Variants in HS3ST2 observed in about 807,000 individuals in gnomAD.
HS3ST2 encodes the protein heparan sulfate-glucosamine 3-sulfotransferase 2, also known as heparan sulfate glucosamine 3-O-sulfotransferase 2.
HS3ST2 carries 17 observed loss-of-function variants against 26.3 expected under a neutral mutation model. That is an observed-to-expected ratio of 0.65 (90% CI 0.44 to 0.97). The LOEUF (loss-of-function observed/expected upper bound fraction) is 0.97, where lower values mean the gene tolerates loss of function less well. Among genes scored for constraint, HS3ST2 ranks in the 50% least tolerant of loss-of-function variants. The pLI is 0.00. For synonymous variants in HS3ST2, 237 were observed against 219.2 expected, an observed-to-expected ratio of 1.08 and a Z score of -0.72; for missense variants, 402 against 501.2, an observed-to-expected ratio of 0.80 and a Z score of 1.89.
At chr16:22,901,944 TA>T (rs1479143958) in intron 1 of HS3ST2, among the ~76,000 whole-genome samples, 1 of 152,008 alleles carries the variant, frequency 6.6e-6, no homozygotes, top group Admixed American at 6.6e-5. Context: ...AAGAGAAAAA[TA>T]AATCCGAATG....
chr16:22,892,204 G>A (rs1245371055), intron 1 of HS3ST2, among the ~76,000 whole-genome samples: 2 of 151,696 alleles, frequency 1.3e-5, no homozygotes, highest in Non-Finnish European at 2.9e-5. Flanking sequence ...GCAGGAGAAT[G>A]GGGTGAACCC....
Position 22,915,950 on chromosome 16 carries a change from T to A in HS3ST2, c.*388T>A, listed in dbSNP as rs1596636302. The A allele has an allele frequency of 5.3e-6, 1 of 189,876 alleles. No homozygotes were observed. The highest frequency in any genetic ancestry group is 1.2e-4 in the South Asian group (1 of 8,062). 11.8% of individuals were successfully genotyped at this position (189,876 alleles called of 1,614,324 possible). A position where few individuals can be genotyped will look rare whatever the true frequency, so the allele number is the denominator to read the frequency against. On this transcript the variant is annotated 3_prime_UTR_variant, in exon 2 of 2. Transcript: ENST00000261374. ...GTCCCTGTCATTGTCCACCCAGGAG[T>A]GGCCTTGTTAATTCCAAGTGGCATG...
intron 1 of HS3ST2, among the ~76,000 whole-genome samples, chr16:22,901,345 C>T (rs1193437668): frequency 6.6e-6 from 1 of 152,212 alleles, no homozygotes; most frequent in Non-Finnish European, 1.5e-5. Context: ...CCTTGCAATT[C>T]AACGGGTGGC....
intron 1 of HS3ST2, among the ~76,000 whole-genome samples, chr16:22,837,169 C>A (rs1901269552): frequency 1.3e-5 from 2 of 150,958 alleles, no homozygotes; most frequent in South Asian, 4.2e-4. Flanking sequence ...TAAAGTCAGA[C>A]TGTCCTGAGT....
rs12598532 is a variant in HS3ST2, at chr16:22,867,663, G to A, written c.486-47281G>A. ...AAAAAAATGGAGCAAAATAATGATA[G>A]CATTTTTTGCAGTTGAGAAACATGG... On this transcript the variant is annotated intron_variant, in intron 1 of 1. Coordinates refer to ENST00000261374, the MANE Select transcript of HS3ST2 (RefSeq NM_006043.2). 3.8e-3 allele frequency among the ~76,000 whole-genome samples: 578 copies of A among 152,296 alleles called. 15 individuals carry two copies. Among genetic ancestry groups the A allele is most frequent in the East Asian group, 0.033 (171 of 5,178 alleles).
At chr16:22,891,436 G>A (rs529823889) in intron 1 of HS3ST2, among the ~76,000 whole-genome samples, 4 of 151,454 alleles carry the variant, frequency 2.6e-5, no homozygotes, top group African/African-American at 7.3e-5. Flanking sequence ...AGTAAGTAGC[G>A]AAACAGAAAT....
chr16:22,879,961 A>C (rs1173732732), intron 1 of HS3ST2, among the ~76,000 whole-genome samples: 1 of 152,204 alleles, frequency 6.6e-6, no homozygotes. Flanking sequence ...CATGGTGAGA[A>C]AGAACAAGAA....
intron 1 of HS3ST2, among the ~76,000 whole-genome samples, chr16:22,914,118 CAG>C (rs1229146255): frequency 2.0e-5 from 3 of 151,154 alleles, no homozygotes; most frequent in African/African-American, 7.3e-5. Context: ...CCTTGGGAGA[CAG>C]AGTGAAGTGA....
chr16:22,861,532 T>G (rs1347866578), intron 1 of HS3ST2, among the ~76,000 whole-genome samples: 1 of 152,060 alleles, frequency 6.6e-6, no homozygotes, highest in Non-Finnish European at 1.5e-5. Context: ...CTTGGCCCTC[T>G]CCTCTTCCAC....
intron 1 of HS3ST2, among the ~76,000 whole-genome samples, chr16:22,885,923 CA>C (rs1429155011): frequency 6.6e-6 from 1 of 152,202 alleles, no homozygotes; most frequent in African/African-American, 2.4e-5. Flanking sequence ...CCAGCTCTCT[CA>C]GCCTGTCCCC....
intron 1 of HS3ST2, among the ~76,000 whole-genome samples, chr16:22,886,010 A>G (rs1377352285): frequency 6.6e-6 from 1 of 152,074 alleles, no homozygotes; most frequent in East Asian, 1.9e-4. Flanking sequence ...ATACCCTAAG[A>G]CTGAGAGCTA....
chr16:22,883,177 C>T (rs1273264577), intron 1 of HS3ST2, among the ~76,000 whole-genome samples: 2 of 152,198 alleles, frequency 1.3e-5, no homozygotes, highest in Non-Finnish European at 1.5e-5. Flanking sequence ...ATGAGCCATT[C>T]TTGCCTCTGA....
intron 1 of HS3ST2, among the ~76,000 whole-genome samples, chr16:22,855,362 T>C (rs1989806): frequency 0.27 from 40,295 of 151,998 alleles, 6,972 homozygotes; most frequent in African/African-American, 0.49. Flanking sequence ...AGGCCACAGA[T>C]AATCCCAGCC....
intron 1 of HS3ST2, among the ~76,000 whole-genome samples, chr16:22,852,810 G>A (rs765607436): frequency 2.6e-5 from 4 of 152,272 alleles, no homozygotes; most frequent in South Asian, 2.1e-4. Flanking sequence ...CCAAGGAACC[G>A]AATTCATTCT....
rs115581828 is a variant in HS3ST2 at position 22,880,647 on chromosome 16, C to T, written c.486-34297C>T. ...GAGGAGTGTACAGCACTGCCCTCCC[C>T]CCATGGAGATGGGCTCATGACCTGA... On this transcript the variant is annotated intron_variant, in intron 1 of 1. Coordinates refer to ENST00000261374, the MANE Select transcript of HS3ST2 (RefSeq NM_006043.2). Among the ~76,000 whole-genome samples, 3 of 152,138 alleles carry T rather than the reference C, an allele frequency of 2.0e-5. No homozygotes were observed. The East Asian group carries it at 5.8e-4, about 29-fold the overall frequency.
intron 1 of HS3ST2, among the ~76,000 whole-genome samples, chr16:22,907,643 G>C (rs1286507596): frequency 2.0e-5 from 3 of 152,216 alleles, no homozygotes; most frequent in African/African-American, 7.2e-5. Flanking sequence ...AGGCAAAAGA[G>C]AGAAAGAAAG....
At chr16:22,825,758 T>C (rs1334147012) in intron 1 of HS3ST2, among the ~76,000 whole-genome samples, 2 of 152,206 alleles carry the variant, frequency 1.3e-5, no homozygotes, top group East Asian at 1.9e-4. Flanking sequence ...GAGCGGGGGC[T>C]CACACCTGTA....
chr16:22,832,151 C>CTTTTTTTT (rs71151684), intron 1 of HS3ST2, among the ~76,000 whole-genome samples: 7 of 115,468 alleles, frequency 6.1e-5, no homozygotes, highest in African/African-American at 9.6e-5. Context: ...CCCAGCTGAT[C>CTTTTTTTT]TTTTTTTTTT....
intron 1 of HS3ST2, among the ~76,000 whole-genome samples, chr16:22,834,355 T>A (rs537265685): frequency 6.6e-6 from 1 of 152,328 alleles, no homozygotes; most frequent in South Asian, 2.1e-4. Flanking sequence ...TATCAGTACA[T>A]ATAGTAGATA....
Sources: gnomAD v4.1 joint callset for allele counts (sites outside exome capture counted in the v4.1 genomes callset) on GRCh38, gnomAD v4.1.1 for gene constraint, MANE v1.5 for transcripts, NCBI Gene and HGNC (gene_info 2026-07-23, HGNC 2026-07-21) for gene names.